Variants in WDFY4 observed in about 807,000 individuals in gnomAD.
The protein encoded by WDFY4 is WDFY family member 4, also known as WD repeat- and FYVE domain-containing protein 4.
WDFY4 carries 169 observed loss-of-function variants against 351.9 expected under a neutral mutation model. The observed-to-expected ratio is 0.48, with a 90% CI of 0.42 to 0.55. The LOEUF (loss-of-function observed/expected upper bound fraction) is 0.55, where lower values mean the gene tolerates loss of function less well. WDFY4 is among the 20% of genes least tolerant of loss of function. The pLI is 0.00. For synonymous variants in WDFY4, 1,622 were observed against 1,574.6 expected (o/e 1.03, Z -0.71); for missense variants, 3,803 against 3,935.6 (o/e 0.97, Z 0.90).
chr10:48,873,890 T>C (rs1460516952), intron 41 of WDFY4, among the ~76,000 whole-genome samples, 193 bp downstream of exon 41: 1 of 152,184 alleles, frequency 6.6e-6, no homozygotes, highest in East Asian at 1.9e-4. Context: ...CCTAGGTACA[T>C]AGCAGGGACA....
At chr10:48,880,268 C>T (rs1271850231) in intron 43 of WDFY4, among the ~76,000 whole-genome samples, 1 of 152,192 alleles carries the variant, frequency 6.6e-6, no homozygotes, top group African/African-American at 2.4e-5. Context: ...GTGCCTTTGA[C>T]ACTTGTCCTG....
chr10:48,715,031 C>A (rs1356727813), intron 2 of WDFY4, among the ~76,000 whole-genome samples: 1 of 152,270 alleles, frequency 6.6e-6, no homozygotes, highest in Non-Finnish European at 1.5e-5. Flanking sequence ...GGCATACTCA[C>A]TCCTAGAGTC....
At chr10:48,736,916 G>A (rs2064687311) in intron 11 of WDFY4, among the ~76,000 whole-genome samples, 1 of 152,110 alleles carries the variant, frequency 6.6e-6, no homozygotes, top group Admixed American at 6.5e-5. Flanking sequence ...ATCATGTTTG[G>A]GCAACAGAGA....
chr10:48,886,026 AG>A (rs1431458900), intron 43 of WDFY4, among the ~76,000 whole-genome samples: 1 of 152,198 alleles, frequency 6.6e-6, no homozygotes, highest in Non-Finnish European at 1.5e-5. Context: ...GCAGAGATGT[AG>A]GAAGAGGGCA....
chr10:48,817,035 G>C (rs984505872), intron 31 of WDFY4, among the ~76,000 whole-genome samples: 3 of 152,302 alleles, frequency 2.0e-5, no homozygotes, highest in South Asian at 2.1e-4. Flanking sequence ...GGGGTGAGAA[G>C]AGGCATATGT....
intron 44 of WDFY4, among the ~76,000 whole-genome samples, chr10:48,894,305 C>A (rs1253912419): frequency 3.9e-5 from 6 of 152,132 alleles, no homozygotes; most frequent in Non-Finnish European, 7.3e-5. Flanking sequence ...CAGCACAGAG[C>A]AAACTGAAAG....
intron 51 of WDFY4, among the ~76,000 whole-genome samples, chr10:48,953,325 TCTCTCTCTCA>T (rs968618987): frequency 5.5e-5 from 7 of 126,324 alleles, no homozygotes; most frequent in African/African-American, 1.2e-4. Flanking sequence ...TCTCTCTCTC[TCTCTCTCTCA>T]CACACACACA....
At chr10:48,962,130 G>A (rs1841885322) in intron 53 of WDFY4, among the ~76,000 whole-genome samples, 1 of 152,224 alleles carries the variant, frequency 6.6e-6, no homozygotes, top group Admixed American at 6.5e-5. Flanking sequence ...GCCCTCACCT[G>A]GGTATGCCTT....
At chr10:48,953,098 C>T (rs939013031) in intron 51 of WDFY4, among the ~76,000 whole-genome samples, 3 of 152,136 alleles carry the variant, frequency 2.0e-5, no homozygotes, top group Non-Finnish European at 4.4e-5. Context: ...CCTCACTTCC[C>T]CCTGTACCCC....
chr10:48,733,462 C>T (rs188326984), intron 9 of WDFY4, among the ~76,000 whole-genome samples: 7 of 152,176 alleles, frequency 4.6e-5, no homozygotes, highest in Non-Finnish European at 1.0e-4. Context: ...TGAGCTTCCC[C>T]ATGACTCAGG....
intron 1 of WDFY4, among the ~76,000 whole-genome samples, chr10:48,706,213 G>A (rs900371309): frequency 6.6e-5 from 10 of 152,194 alleles, no homozygotes; most frequent in Non-Finnish European, 1.5e-4. Flanking sequence ...ACTTTCATTC[G>A]TTTATGCAAT....
intron 35 of WDFY4, among the ~76,000 whole-genome samples, chr10:48,824,672 G>A (rs2067936803): frequency 7.2e-6 from 1 of 138,654 alleles, no homozygotes; most frequent in Admixed American, 7.3e-5. Context: ...TTCCTGCCCT[G>A]TCTTCCAGGT....
chr10:48,901,931 A>G, intron 47 of WDFY4, 68 bp downstream of exon 47: 1 of 1,412,452 alleles, frequency 7.1e-7, no homozygotes, highest in Non-Finnish European at 9.8e-7. Flanking sequence ...CCTCTGCCTC[A>G]TCCCACTCTA....
At chr10:48,888,805 C>T (rs918170532) in intron 43 of WDFY4, among the ~76,000 whole-genome samples, 1 of 152,178 alleles carries the variant, frequency 6.6e-6, no homozygotes, top group African/African-American at 2.4e-5. Context: ...GGTCTATGTC[C>T]TCACCAAGAA....
intron 39 of WDFY4, among the ~76,000 whole-genome samples, chr10:48,866,205 TC>T (rs1488254605): frequency 6.6e-6 from 1 of 152,160 alleles, no homozygotes; most frequent in Non-Finnish European, 1.5e-5. Context: ...TTCTTTTTTT[TC>T]TTAATATTGG....
intron 47 of WDFY4, among the ~76,000 whole-genome samples, chr10:48,913,105 C>G (rs999217904): frequency 2.0e-5 from 3 of 152,178 alleles, no homozygotes; most frequent in Admixed American, 2.0e-4. Context: ...CAAGAGAGAT[C>G]TGGGGGCAAG....
At chr10:48,779,297 C>T (rs1007133656) in intron 18 of WDFY4, among the ~76,000 whole-genome samples, 12 of 152,228 alleles carry the variant, frequency 7.9e-5, no homozygotes, top group East Asian at 1.9e-4. Flanking sequence ...CTTGGCATGG[C>T]GCCCAGGGCC....
chr10:48,855,603 T>C (rs947781272), intron 39 of WDFY4, among the ~76,000 whole-genome samples: 1 of 152,080 alleles, frequency 6.6e-6, no homozygotes, highest in African/African-American at 2.4e-5. Flanking sequence ...TATCTATTCA[T>C]AGTTACTATA....
intron 43 of WDFY4, among the ~76,000 whole-genome samples, chr10:48,890,340 C>T (rs1214471324): frequency 2.0e-5 from 3 of 152,146 alleles, no homozygotes; most frequent in Admixed American, 6.5e-5. Flanking sequence ...ACCCACACAT[C>T]TTGGTGGGAG....
Sources: gnomAD v4.1 joint callset for allele counts (sites outside exome capture counted in the v4.1 genomes callset) on GRCh38, gnomAD v4.1.1 for gene constraint, MANE v1.5 for transcripts, NCBI Gene and HGNC (gene_info 2026-07-23, HGNC 2026-07-21) for gene names.